GRM8: variants seen among roughly 807,000 people sequenced by gnomAD.
GRM8 encodes the protein glutamate metabotropic receptor 8.
A neutral mutation model predicts 87.2 loss-of-function variants in GRM8; 47 were observed. The observed-to-expected ratio is 0.54, with a 90% CI of 0.43 to 0.69. The LOEUF is 0.69. Ranked by LOEUF, GRM8 falls within the 30% of genes least tolerant of loss-of-function variation. The pLI is 0.00. For missense variants in GRM8, 1,019 were observed against 1,139.2 expected (o/e 0.89, Z 1.52); for synonymous variants, 396 against 404.5 (o/e 0.98, Z 0.25).
intron 3 of GRM8, among the ~76,000 whole-genome samples, chr7:127,029,048 T>C (rs1411765183): frequency 6.6e-6 from 1 of 152,206 alleles, no homozygotes; most frequent in Non-Finnish European, 1.5e-5. Context: ...TTTGTTCTCA[T>C]TGGTTTCAAA....
chr7:127,244,935 A>G (rs1587366816), intron 1 of GRM8, among the ~76,000 whole-genome samples: 1 of 152,294 alleles, frequency 6.6e-6, no homozygotes, highest in East Asian at 1.9e-4. Context: ...TAAGACAAGT[A>G]TTCCCTGCCT....
intron 3 of GRM8, among the ~76,000 whole-genome samples, chr7:126,973,855 G>T (rs113119075): frequency 6.6e-6 from 1 of 152,100 alleles, no homozygotes; most frequent in South Asian, 2.1e-4. Flanking sequence ...AATAAAAAAC[G>T]TCAACTATAC....
chr7:126,793,519 A>C (rs984375528), intron 6 of GRM8, among the ~76,000 whole-genome samples: 3 of 152,218 alleles, frequency 2.0e-5, no homozygotes, highest in African/African-American at 7.2e-5. Flanking sequence ...ATGTGAAGTC[A>C]TTGTGAAAAC....
intron 3 of GRM8, among the ~76,000 whole-genome samples, chr7:126,969,299 G>A (rs1810182229): frequency 6.6e-6 from 1 of 152,140 alleles, no homozygotes; most frequent in South Asian, 2.1e-4. Context: ...TTTCTTGGTA[G>A]CATGTGATGC....
At chr7:126,951,828 G>C (rs565024191) in intron 3 of GRM8, among the ~76,000 whole-genome samples, 1 of 152,010 alleles carries the variant, frequency 6.6e-6, no homozygotes, top group South Asian at 2.1e-4. Context: ...AAATTGTATA[G>C]TACAAATGGC....
intron 6 of GRM8, among the ~76,000 whole-genome samples, chr7:126,880,243 T>C (rs1799902516): frequency 6.6e-6 from 1 of 152,158 alleles, no homozygotes; most frequent in African/African-American, 2.4e-5. Flanking sequence ...CATTTTCAAA[T>C]GAACATGCAG....
intron 6 of GRM8, among the ~76,000 whole-genome samples, chr7:126,897,184 A>C (rs1801626640): frequency 6.6e-6 from 1 of 152,202 alleles, no homozygotes; most frequent in African/African-American, 2.4e-5. Flanking sequence ...GCCTGAGTCC[A>C]GAGGGAGCTG....
chr7:126,745,676 T>C (rs1815578010), intron 7 of GRM8, among the ~76,000 whole-genome samples: 1 of 151,780 alleles, frequency 6.6e-6, no homozygotes, highest in Non-Finnish European at 1.5e-5. Context: ...AAATCACAGC[T>C]GTGAAGCTTC....
At chr7:126,765,851 A>G (rs1319987715) in intron 7 of GRM8, among the ~76,000 whole-genome samples, 1 of 152,114 alleles carries the variant, frequency 6.6e-6, no homozygotes, top group South Asian at 2.1e-4. Flanking sequence ...ATACACTGTG[A>G]TTCAGAATGT....
intron 6 of GRM8, among the ~76,000 whole-genome samples, chr7:126,829,534 T>C (rs1199049385): frequency 4.7e-4 from 63 of 134,040 alleles, no homozygotes; most frequent in South Asian, 7.6e-4. Context: ...CCCCTGCCTT[T>C]TTTTGTTTTC....
chr7:126,462,363 T>C (rs533389625), intron 9 of GRM8, among the ~76,000 whole-genome samples: 1 of 151,796 alleles, frequency 6.6e-6, no homozygotes, highest in African/African-American at 2.4e-5. Flanking sequence ...TCTTTATTTC[T>C]AGGATTTTTA....
rs547273363 is a variant in GRM8, at chr7:127,077,783, C to T, written c.727+28713G>A. ...CTTCTTTCTCATTATCTTGCTCCCC[C>T]TTTCTCCTCCTTTCAAGATTGCTTG... On this transcript the variant is annotated intron_variant, in intron 3 of 10. Transcript: ENST00000339582. Among the ~76,000 whole-genome samples, 22 of 152,360 alleles carry T rather than the reference C, an allele frequency of 1.4e-4. No individual in the cohort carries two copies. In the South Asian group the frequency reaches 3.5e-3, roughly 24 times the overall value.
At chr7:127,160,640 G>A in intron 2 of GRM8, among the ~76,000 whole-genome samples, 1 of 152,012 alleles carries the variant, frequency 6.6e-6, no homozygotes, top group East Asian at 1.9e-4. Flanking sequence ...TAGTAGGGTG[G>A]GCCTTTTTCC....
intron 3 of GRM8, among the ~76,000 whole-genome samples, chr7:126,969,833 T>A (rs185323224): frequency 2.3e-3 from 345 of 152,260 alleles, no homozygotes; most frequent in African/African-American, 7.9e-3. Context: ...AAAATGTATT[T>A]CCTAAATAAT....
chr7:127,187,940 C>T (rs941081015), intron 2 of GRM8, among the ~76,000 whole-genome samples: 11 of 152,168 alleles, frequency 7.2e-5, no homozygotes, highest in African/African-American at 2.2e-4. Context: ...ATTCCTCCAC[C>T]GAACTCATTT....
chr7:126,622,873 A>C (rs908676570), intron 7 of GRM8, among the ~76,000 whole-genome samples: 1 of 152,198 alleles, frequency 6.6e-6, no homozygotes, highest in African/African-American at 2.4e-5. Context: ...TTAAAATTTA[A>C]CCTCATTCCT....
At chr7:126,621,462 A>AGG (rs1179265301) in intron 7 of GRM8, among the ~76,000 whole-genome samples, 1 of 152,118 alleles carries the variant, frequency 6.6e-6, no homozygotes, top group Non-Finnish European at 1.5e-5. Flanking sequence ...TCTGTCCTCC[A>AGG]GGCTGGAGTG....
intron 7 of GRM8, among the ~76,000 whole-genome samples, chr7:126,647,838 T>C (rs1401708156): frequency 6.6e-6 from 1 of 152,148 alleles, no homozygotes; most frequent in Admixed American, 6.6e-5. Context: ...TCTCACCCTT[T>C]TCCCATGTTG....
chr7:126,770,083 A>G lies in GRM8; in HGVS notation c.1157-18T>C, dbSNP rs761692467. On this transcript the variant is annotated intron_variant, in intron 6 of 10. Coordinates refer to ENST00000339582, the MANE Select transcript of GRM8 (RefSeq NM_000845.3). ...CTCCAGCCCTGCAAAATAAAAAAGT[A>G]AAAACCATCAGTTGATGTTAGATTC... is the stretch of plus-strand genomic sequence containing the variant. 1.2e-5 allele frequency: 19 copies of G among 1,562,694 alleles called. No individual in the cohort carries two copies. The highest frequency in any genetic ancestry group is 3.5e-5 in the Admixed American group (2 of 57,936).
Sources: allele counts gnomAD v4.1 joint callset (sites outside exome capture counted in the v4.1 genomes callset), GRCh38; gene constraint gnomAD v4.1.1; transcripts MANE v1.5; gene names NCBI Gene and HGNC (gene_info 2026-07-23, HGNC 2026-07-21).